Variants in COL5A1 observed in about 807,000 individuals in gnomAD.
COL5A1 encodes the protein collagen type V alpha 1 chain, also known as collagen alpha-1(V) chain.
In COL5A1, 16 loss-of-function variants were observed where a neutral mutation model predicts 263.7. That is an observed-to-expected ratio of 0.06 (90% CI 0.04 to 0.09). The LOEUF (loss-of-function observed/expected upper bound fraction) is 0.09, where lower values mean the gene tolerates loss of function less well. COL5A1 is among the 10% of genes least tolerant of loss of function. The pLI, the probability that COL5A1 is intolerant of heterozygous loss-of-function variation, is 1.00. For missense variants in COL5A1, 2,036 were observed against 2,540.5 expected, an observed-to-expected ratio of 0.80 and a Z score of 4.27; for synonymous variants, 1,012 against 1,004.5, an observed-to-expected ratio of 1.01 and a Z score of -0.14.
At chr9:134,759,463 GCACGCACACA>G in intron 18 of COL5A1, among the ~76,000 whole-genome samples, 1 of 54,606 alleles carries the variant, frequency 1.8e-5, no homozygotes, top group Non-Finnish European at 3.0e-5. Context: ...ACTCATACAT[GCACGCACACA>G]CACCCACACA....
chr9:134,818,983 C>T lies in COL5A1; in HGVS notation c.4393-17C>T, dbSNP rs141152269. The stretch of plus-strand genomic sequence containing the variant: ...CCCCAAGGATGAGGACTCTGATCCC[C>T]CTGCCTCCTCCCACAGGGTCCCCCA... On this transcript the variant is annotated splice_polypyrimidine_tract_variant and intron_variant, in intron 56 of 65. Transcript: ENST00000371817. The surrounding 1 kb of genome is among the most constrained non-coding windows in gnomAD (Gnocchi z 6.0). 4,148 of 1,613,386 alleles carry T rather than the reference C, an allele frequency of 2.6e-3. 16 individuals are homozygous for T. The highest frequency in any genetic ancestry group is 0.011 in the Middle Eastern group (64 of 6,062).
intron 1 of COL5A1, among the ~76,000 whole-genome samples, chr9:134,690,234 G>A (rs578193568): frequency 6.6e-6 from 1 of 152,262 alleles, no homozygotes; most frequent in East Asian, 1.9e-4. Flanking sequence ...GTGGGCAGGG[G>A]TCTTCCAGGG....
chr9:134,837,076 C>T (rs550882713), intron 65 of COL5A1, among the ~76,000 whole-genome samples: 4 of 152,312 alleles, frequency 2.6e-5, no homozygotes, highest in South Asian at 2.1e-4. Flanking sequence ...CTTTAGAGCT[C>T]GGAATCGTGT....
rs374130085 is a variant in COL5A1 at position 134,817,882 on chromosome 9, G to T, written c.4230+51G>T. ...GACCGCGTAGACCTCCCCCAGGGGAGCCCAGAGGGTGGGGAGTGGACAAGC... is the reference window on the plus strand; with the variant it reads ...GACCGCGTAGACCTCCCCCAGGGGATCCCAGAGGGTGGGGAGTGGACAAGC... On this transcript the variant is annotated intron_variant, in intron 54 of 65. Transcript: ENST00000371817. The T allele has an allele frequency of 4.0e-5, 62 of 1,540,312 alleles. 1 individual carries two copies. In the African/African-American group the frequency reaches 7.5e-4, roughly 19 times the overall value.
intron 1 of COL5A1, among the ~76,000 whole-genome samples, chr9:134,690,211 A>C (rs937060232): frequency 6.6e-6 from 1 of 152,062 alleles, no homozygotes; most frequent in Non-Finnish European, 1.5e-5. Context: ...TTGGCTCTGC[A>C]TGGTCTGGCG....
intron 32 of COL5A1, among the ~76,000 whole-genome samples, chr9:134,791,165 C>A (rs1837678395): frequency 6.6e-6 from 1 of 152,246 alleles, no homozygotes; most frequent in Admixed American, 6.5e-5. Context: ...ATGCCCCAGT[C>A]ACACATAGGA....
At position 134,680,732 on chromosome 9, in the gene COL5A1, C is replaced by T. The variant is rs1204267333; in HGVS notation, c.110-10180C>T. ...ACGGTGACACTGGTGAGGAGATGGA[C>T]CTGTGACAGCCAGGGCCTCCCGGGA... On this transcript the variant is annotated intron_variant, in intron 1 of 65. Coordinates refer to ENST00000371817, the MANE Select transcript of COL5A1 (RefSeq NM_000093.5). This position sits in a 1 kb window ranked among gnomAD's most constrained non-coding sequence, Gnocchi z 5.9. 6.6e-6 allele frequency among the ~76,000 whole-genome samples: 1 copy of T among 152,198 alleles called. No individual in the cohort carries two copies. Among genetic ancestry groups the T allele is most frequent in the Non-Finnish European group, 1.5e-5 (1 of 68,042 alleles).
Position 134,647,997 on chromosome 9 carries a change from G to C in COL5A1, c.109+5701G>C, listed in dbSNP as rs1831532700. Among the ~76,000 whole-genome samples the C allele has an allele frequency of 3.3e-5, 5 of 152,214 alleles. No individual in the cohort carries two copies. In the South Asian group the frequency reaches 8.3e-4, roughly 25 times the overall value. On this transcript the variant is annotated intron_variant, in intron 1 of 65. Coordinates refer to ENST00000371817, the MANE Select transcript of COL5A1 (RefSeq NM_000093.5). This position sits in a 1 kb window ranked among gnomAD's most constrained non-coding sequence, Gnocchi z 5.0. ...TGTCTATGAGAGTGTTGCCAAAGGA[G>C]ATTAACATTTGAATCAGTGGGCTGG...
intron 19 of COL5A1, among the ~76,000 whole-genome samples, 181 bp from the exon 20 acceptor site, chr9:134,763,512 C>T (rs906479358): frequency 6.6e-6 from 1 of 152,252 alleles, no homozygotes; most frequent in Non-Finnish European, 1.5e-5. Flanking sequence ...GCAGTGTCTG[C>T]ACACCTAGCA....
chr9:134,712,234 T>TTTCCCCCCTCCTTCCTGCCCCCTTCTTCA (rs1834083636), intron 4 of COL5A1, among the ~76,000 whole-genome samples: 1 of 4,512 alleles, frequency 2.2e-4, no homozygotes, highest in Non-Finnish European at 4.0e-4. Flanking sequence ...CCCCTTCTTC[T>TTTCCCCCCTCCTTCCTGCCCCCTTCTTCA]TATCCCCCTT....
At chr9:134,745,094 G>A (rs1220256872) in intron 11 of COL5A1, among the ~76,000 whole-genome samples, 1 of 152,212 alleles carries the variant, frequency 6.6e-6, no homozygotes, top group Non-Finnish European at 1.5e-5. Flanking sequence ...GTCCCCTGAG[G>A]CCACTGATAG....
chr9:134,667,988 G>T (rs970958074), intron 1 of COL5A1, among the ~76,000 whole-genome samples: 3 of 152,204 alleles, frequency 2.0e-5, no homozygotes, highest in African/African-American at 7.2e-5. Context: ...GTGAGGGGTG[G>T]GAAGGAGTTG....
chr9:134,655,805 C>T (rs1293502134), intron 1 of COL5A1, among the ~76,000 whole-genome samples: 1 of 152,170 alleles, frequency 6.6e-6, no homozygotes, highest in Admixed American at 6.5e-5. Flanking sequence ...GCTGTGCCCA[C>T]CAGGCTGTCC....
At chr9:134,717,887 G>C (rs1021591075) in intron 4 of COL5A1, among the ~76,000 whole-genome samples, 8 of 152,180 alleles carry the variant, frequency 5.3e-5, no homozygotes, top group Middle Eastern at 3.2e-3. Flanking sequence ...GCAGTCATGG[G>C]GGGGCTGGCT....
intron 1 of COL5A1, among the ~76,000 whole-genome samples, chr9:134,664,331 G>A (rs1056877250): frequency 7.2e-5 from 11 of 152,146 alleles, no homozygotes; most frequent in Admixed American, 2.6e-4. Context: ...TATGACGTAA[G>A]CCCCTGCAGT....
chr9:134,761,817 G>C, intron 18 of COL5A1, 108 bp from the exon 19 acceptor site: 1 of 1,128,132 alleles, frequency 8.9e-7, no homozygotes, highest in Admixed American at 1.7e-5. Context: ...GGTCTTTTGA[G>C]AGCTTGGGAA....
At chr9:134,783,136 C>T (rs1398386123) in intron 29 of COL5A1, among the ~76,000 whole-genome samples, 3 of 152,208 alleles carry the variant, frequency 2.0e-5, no homozygotes, top group African/African-American at 2.4e-5. Flanking sequence ...AGCTGCTGCC[C>T]AGGCCACACG....
chr9:134,672,957 T>G (rs142139025), intron 1 of COL5A1, among the ~76,000 whole-genome samples: 53 of 152,222 alleles, frequency 3.5e-4, no homozygotes, highest in African/African-American at 1.2e-3. Flanking sequence ...CTAATGAAAA[T>G]ATGCATGACT....
chr9:134,643,732 G>A (rs1831378086), intron 1 of COL5A1, among the ~76,000 whole-genome samples: 1 of 152,176 alleles, frequency 6.6e-6, no homozygotes, highest in South Asian at 2.1e-4. Context: ...AAGTGGAGAG[G>A]AGAAGGAAGG....
Sources: gnomAD v4.1 joint callset for allele counts (sites outside exome capture counted in the v4.1 genomes callset) on GRCh38, gnomAD v4.1.1 for gene constraint, Gnocchi (gnomAD v3.1) non-coding constraint, MANE v1.5 for transcripts, NCBI Gene and HGNC (gene_info 2026-07-23, HGNC 2026-07-21) for gene names.